The following COLQ variants were observed in gnomAD, a reference collection of about 807,000 sequenced individuals.
The protein encoded by COLQ is collagen like tail subunit of asymmetric acetylcholinesterase.
In COLQ, 48 loss-of-function variants were observed where a neutral mutation model predicts 69.0. The observed-to-expected ratio is 0.70, with a 90% confidence interval of 0.55 to 0.88. COLQ has a LOEUF of 0.88. Among genes scored for constraint, COLQ ranks in the 40% least tolerant of loss-of-function variants. COLQ has a pLI of 0.00. For missense variants in COLQ, 618 were observed against 594.6 expected (o/e 1.04, Z -0.41); for synonymous variants, 217 against 211.2 (o/e 1.03, Z -0.24).
At chr3:15,461,359 C>G (rs914862405) in intron 12 of COLQ, among the ~76,000 whole-genome samples, 1 of 152,158 alleles carries the variant, frequency 6.6e-6, no homozygotes, top group Non-Finnish European at 1.5e-5. Context: ...TGCAGTTTCC[C>G]TGCAGCTTCC....
At chr3:15,456,627 G>C (rs759028362) in intron 13 of COLQ, 48 bp from the exon 14 acceptor site, 1 of 1,609,530 alleles carries the variant, frequency 6.2e-7, no homozygotes, top group East Asian at 2.2e-5. Flanking sequence ...CTTCTGCAGG[G>C]GGCAGGAAAA....
At chr3:15,498,058 A>G (rs907699295) in intron 1 of COLQ, among the ~76,000 whole-genome samples, 1 of 152,198 alleles carries the variant, frequency 6.6e-6, no homozygotes, top group African/African-American at 2.4e-5. Flanking sequence ...CCTCTGAGCC[A>G]AATTACCCAA....
At chr3:15,466,040 A>G (rs1402112465) in intron 12 of COLQ, among the ~76,000 whole-genome samples, 6 of 152,232 alleles carry the variant, frequency 3.9e-5, no homozygotes, top group African/African-American at 1.4e-4. Flanking sequence ...AGAAAAAGGT[A>G]TTAGTTGATG....
At chr3:15,466,489 C>T in intron 11 of COLQ, 52 bp from the exon 12 acceptor site, 1 of 1,476,876 alleles carries the variant, frequency 6.8e-7, no homozygotes, top group South Asian at 1.1e-5. Context: ...TAGCAAGCTT[C>T]CCGCCCCATT....
At chr3:15,487,196 G>A (rs1376064291) in intron 3 of COLQ, among the ~76,000 whole-genome samples, 1 of 152,162 alleles carries the variant, frequency 6.6e-6, no homozygotes, top group Admixed American at 6.5e-5. Context: ...TTGAGTGGGT[G>A]GTAGAAGAAG....
intron 1 of COLQ, among the ~76,000 whole-genome samples, chr3:15,497,287 G>A (rs1045056407): frequency 1.1e-4 from 17 of 151,966 alleles, no homozygotes; most frequent in African/African-American, 3.1e-4. Context: ...CAGGTGATCC[G>A]CCCACCTCAG....
chr3:15,470,767 G>A (rs774726107), intron 10 of COLQ, 151 bp from the exon 11 acceptor site: 4 of 756,080 alleles, frequency 5.3e-6, no homozygotes, highest in Non-Finnish European at 9.6e-6. Context: ...TTAGCAGAGT[G>A]AGGAAGTCAT....
At chr3:15,475,547 G>A in intron 6 of COLQ, 60 bp from the exon 7 acceptor site, 5 of 1,482,260 alleles carry the variant, frequency 3.4e-6, no homozygotes, top group East Asian at 2.5e-5. Flanking sequence ...ACTGAACCAG[G>A]AAGTCACAGG....
chr3:15,517,395 C>T (rs879006186), intron 1 of COLQ, among the ~76,000 whole-genome samples: 2 of 152,146 alleles, frequency 1.3e-5, no homozygotes, highest in East Asian at 1.9e-4. Flanking sequence ...AGTGGTGCTG[C>T]CCCCATTCAG....
chr3:15,472,139 G>C (rs989115782), intron 10 of COLQ, among the ~76,000 whole-genome samples: 1 of 152,196 alleles, frequency 6.6e-6, no homozygotes, highest in Non-Finnish European at 1.5e-5. Flanking sequence ...CAACTCTTCA[G>C]ATGGGAAGTC....
rs79655731 is a variant in COLQ, at chr3:15,470,540, T to C, written c.713A>G (p.Lys238Arg). 22 of 1,613,732 alleles carry C rather than the reference T, an allele frequency of 1.4e-5. No homozygotes were observed. The East Asian group carries it at 4.9e-4, about 36-fold the overall frequency. The change falls in exon 11 of 17, where the codon AAG (lysine) becomes AGG (arginine). Residue 238 changes from lysine to arginine, a missense_variant. Transcript: ENST00000383788. ...GGTAAGCCCTGGGATCCTTACCTGCTTGCCTCGTTTTCCTGGTCTTCCTGT... is the reference window on the plus strand; with the variant it reads ...GGTAAGCCCTGGGATCCTTACCTGCCTGCCTCGTTTTCCTGGTCTTCCTGT... ...GPTGRPGKRG[K>R]QGQKGDSGVM...
intron 3 of COLQ, among the ~76,000 whole-genome samples, chr3:15,486,678 C>A (rs2062580602): frequency 6.6e-6 from 1 of 152,208 alleles, no homozygotes; most frequent in Admixed American, 6.5e-5. Flanking sequence ...GGCTTCCAAG[C>A]TTTTCTGTGG....
At position 15,498,492 on chromosome 3, in the gene COLQ, C is replaced by T. The variant is rs559332662; in HGVS notation, c.107-8855G>A. On this transcript the variant is annotated intron_variant, in intron 1 of 16. Coordinates refer to ENST00000383788, the MANE Select transcript of COLQ (RefSeq NM_005677.4). ...ATCCACACACACACACACACGTGCA[C>T]ACACGCACACACAACTCACCCAAGC... The T allele has an allele frequency of 1.9e-6, 3 of 1,544,348 alleles. No individual in the cohort carries two copies. In the South Asian group the frequency reaches 3.6e-5, roughly 18 times the overall value.
At chr3:15,485,319 G>A (rs1288690139) in intron 3 of COLQ, among the ~76,000 whole-genome samples, 1 of 152,194 alleles carries the variant, frequency 6.6e-6, no homozygotes, top group Non-Finnish European at 1.5e-5. Flanking sequence ...ACTGGGAGGT[G>A]TCTCCCAGTT....
intron 12 of COLQ, among the ~76,000 whole-genome samples, chr3:15,459,791 T>TTTG (rs1553634968): frequency 6.7e-6 from 1 of 149,994 alleles, no homozygotes; most frequent in Non-Finnish European, 1.5e-5. Context: ...GCACCCATAT[T>TTTG]TTATTATTAT....
chr3:15,485,550 T>A (rs1476908559), intron 3 of COLQ, among the ~76,000 whole-genome samples: 1 of 152,148 alleles, frequency 6.6e-6, no homozygotes, highest in Admixed American at 6.5e-5. Flanking sequence ...GCAAAACTTA[T>A]CCAAATAACA....
chr3:15,490,918 T>C (rs2062655459), intron 1 of COLQ, among the ~76,000 whole-genome samples: 1 of 152,128 alleles, frequency 6.6e-6, no homozygotes, highest in Non-Finnish European at 1.5e-5. Context: ...AGAATCATGA[T>C]TGCAAGTGAT....
At position 15,459,400 on chromosome 3, in the gene COLQ, T is replaced by C. The variant is rs2062072897; in HGVS notation, c.815-1075A>G. Reference sequence around the variant, plus strand: ...CAATTCCATCAAGACTTCTGAAAACTGAACTGAACCTAGGCAGCATCCACA... The same window carrying C: ...CAATTCCATCAAGACTTCTGAAAACCGAACTGAACCTAGGCAGCATCCACA... On this transcript the variant is annotated intron_variant, in intron 12 of 16. Transcript: ENST00000383788. Among the ~76,000 whole-genome samples, 3 of 152,092 alleles carry C rather than the reference T, an allele frequency of 2.0e-5. No individual in the cohort carries two copies. In the South Asian group the frequency reaches 6.2e-4, roughly 32 times the overall value.
Position 15,453,890 on chromosome 3 carries a change from C to T in COLQ, c.1237G>A (p.Gly413Ser), listed in dbSNP as rs769772442. The T allele has an allele frequency of 1.9e-6, 3 of 1,611,970 alleles. No individual in the cohort carries two copies. Among genetic ancestry groups the T allele is most frequent in the Non-Finnish European group, 2.5e-6 (3 of 1,179,046 alleles). ...AYCGDGHRHE[G>S]VEDCDGSDFG... ...TCAGAGCCGTCACAGTCCTCCACAC[C>T]CTCATGCCGGTGACCATCTCCACAG... The change falls in exon 16 of 17, where the codon GGT (glycine) becomes AGT (serine). Residue 413 changes from glycine to serine, a missense_variant. Physicochemically the swap from Gly to Ser is moderately conservative, Grantham distance 56. Transcript: ENST00000383788.
Sources: gnomAD v4.1 joint callset for allele counts (sites outside exome capture counted in the v4.1 genomes callset) on GRCh38, gnomAD v4.1.1 for gene constraint, MANE v1.5 for transcripts, NCBI Gene and HGNC (gene_info 2026-07-23, HGNC 2026-07-21) for gene names.